Variants in EEF1AKMT2 observed in about 807,000 individuals in gnomAD.
EEF1AKMT2 encodes the protein EEF1A lysine methyltransferase 2.
Under a neutral mutation model 35.8 loss-of-function variants are expected in EEF1AKMT2, and 32 were observed. The observed-to-expected ratio is 0.89, with a 90% CI of 0.67 to 1.20. EEF1AKMT2 has a LOEUF of 1.20. Among genes scored for constraint, EEF1AKMT2 ranks in the 50% most tolerant of loss-of-function variants. The pLI is 0.00. For synonymous variants in EEF1AKMT2, 121 were observed against 133.7 expected (o/e 0.91, Z 0.65); for missense variants, 330 against 347.5 (o/e 0.95, Z 0.40).
chr10:124,789,844 C>T (rs965466976), intron 2 of EEF1AKMT2, among the ~76,000 whole-genome samples: 4 of 151,032 alleles, frequency 2.6e-5, no homozygotes, highest in Admixed American at 2.6e-4. Flanking sequence ...AGACTTAATC[C>T]AGGGTTCCCA....
At chr10:124,764,827 CTTTT>C (rs534265287) in intron 5 of EEF1AKMT2, among the ~76,000 whole-genome samples, 2 of 152,208 alleles carry the variant, frequency 1.3e-5, no homozygotes, top group Non-Finnish European at 2.9e-5. Flanking sequence ...AATATATGTG[CTTTT>C]TGTTTGATTC....
chr10:124,782,925 T>G (rs568722286), intron 3 of EEF1AKMT2: 1 of 416,302 alleles, frequency 2.4e-6, no homozygotes, highest in Admixed American at 3.0e-5. Flanking sequence ...AGTTAAAGGT[T>G]AGAGATTGTT....
intron 3 of EEF1AKMT2, among the ~76,000 whole-genome samples, 190 bp downstream of exon 3, chr10:124,788,853 T>A (rs1280040330): frequency 2.7e-5 from 4 of 150,588 alleles, no homozygotes; most frequent in African/African-American, 7.3e-5. Flanking sequence ...GCCAAAAGAG[T>A]CAAGACTAGG....
chr10:124,791,631 T>A, intron 1 of EEF1AKMT2, 93 bp downstream of exon 1: 1 of 1,513,906 alleles, frequency 6.6e-7, no homozygotes, highest in South Asian at 1.2e-5. Context: ...GGTCTCCCTG[T>A]CCCTGAGCCC....
At chr10:124,776,969 A>T (rs902930983) in intron 3 of EEF1AKMT2, among the ~76,000 whole-genome samples, 1 of 152,172 alleles carries the variant, frequency 6.6e-6, no homozygotes, top group African/African-American at 2.4e-5. Context: ...AAAATTAAAA[A>T]CAGGAAAGAA....
intron 1 of EEF1AKMT2, among the ~76,000 whole-genome samples, 180 bp downstream of exon 1, chr10:124,791,544 C>T (rs1311574302): frequency 2.0e-5 from 3 of 152,174 alleles, no homozygotes; most frequent in African/African-American, 7.2e-5. Flanking sequence ...CCGCGTAGGG[C>T]GACCCCTAGG....
intron 4 of EEF1AKMT2, 100 bp downstream of exon 4, chr10:124,774,575 G>T: frequency 5.2e-6 from 3 of 577,386 alleles, no homozygotes; most frequent in Middle Eastern, 6.0e-4. Context: ...TATTATTTAT[G>T]ATTGATCCCT....
Position 124,760,509 on chromosome 10 carries a change from A to G in EEF1AKMT2, c.*-6T>C, listed in dbSNP as rs528132958. On this transcript the variant is annotated splice_region_variant and splice_polypyrimidine_tract_variant and intron_variant, in intron 6 of 6. Coordinates refer to ENST00000368836, the MANE Select transcript of EEF1AKMT2 (RefSeq NM_212554.4). ...CTCTTCGAGAAGTTCAAATCCTGTC[A>G]GACAAAATTTAAATACTTTTATTAA... The G allele has an allele frequency of 6.2e-6, 10 of 1,611,540 alleles. No individual in the cohort carries two copies. The South Asian group carries it at 9.9e-5, about 16-fold the overall frequency.
At chr10:124,772,097 G>C (rs76709434) in intron 4 of EEF1AKMT2, among the ~76,000 whole-genome samples, 2 of 152,028 alleles carry the variant, frequency 1.3e-5, no homozygotes, top group Admixed American at 6.6e-5. Context: ...TAATTCTTAC[G>C]GGCCCTCAGA....
chr10:124,787,433 CAAAAAAAAA>C (rs398015024), intron 3 of EEF1AKMT2, among the ~76,000 whole-genome samples: 4 of 37,434 alleles, frequency 1.1e-4, no homozygotes, highest in East Asian at 1.0e-3. Context: ...GACTCTGTCT[CAAAAAAAAA>C]AAAAAAAAAA....
chr10:124,757,496 A>G (rs1229189626), downstream of EEF1AKMT2, among the ~76,000 whole-genome samples: 2 of 152,204 alleles, frequency 1.3e-5, no homozygotes, highest in Non-Finnish European at 2.9e-5. Flanking sequence ...TTTGTATACC[A>G]ATTTGAAGAA....
At chr10:124,773,845 T>C (rs1196379577) in intron 4 of EEF1AKMT2, among the ~76,000 whole-genome samples, 1 of 151,708 alleles carries the variant, frequency 6.6e-6, no homozygotes, top group Non-Finnish European at 1.5e-5. Flanking sequence ...GTTGAAAAAA[T>C]GGTGTCAACA....
intron 2 of EEF1AKMT2, 25 bp downstream of exon 2, chr10:124,790,248 T>A: frequency 6.5e-7 from 1 of 1,546,212 alleles, no homozygotes; most frequent in African/African-American, 1.4e-5. Flanking sequence ...TTCTAGATTA[T>A]AACTTGATTC....
At chr10:124,779,563 A>G (rs1394907140) in intron 3 of EEF1AKMT2, among the ~76,000 whole-genome samples, 5 of 150,746 alleles carry the variant, frequency 3.3e-5, no homozygotes, top group Admixed American at 2.6e-4. Context: ...TGGCTAACAC[A>G]GTGAAACCCC....
rs746092211 is a variant in EEF1AKMT2 at position 124,791,843 on chromosome 10, C to A, written c.-10G>T. ...CAGCGCCCGAGCTCATTTCGCTCCA[C>A]GTCCTGGACGGCCGTTGGGGCCGCC... On this transcript the variant is annotated 5_prime_UTR_variant, in exon 1 of 7. Transcript: ENST00000368836. 1 of 1,560,654 alleles carries A rather than the reference C, an allele frequency of 6.4e-7. No homozygotes were observed. The highest frequency in any genetic ancestry group is 1.2e-5 in the South Asian group (1 of 85,968).
Position 124,760,257 on chromosome 10 carries a change from T to C in EEF1AKMT2, c.*246A>G, listed in dbSNP as rs1950319253. The stretch of plus-strand genomic sequence containing the variant: ...AACCCAACCACTTAGATGCTCATTA[T>C]TATTATTTTCTTTCACCAATCCAGT... On this transcript the variant is annotated 3_prime_UTR_variant, in exon 7 of 7. Coordinates refer to ENST00000368836, the MANE Select transcript of EEF1AKMT2 (RefSeq NM_212554.4). The C allele has an allele frequency of 1.3e-5, 6 of 450,430 alleles. No homozygotes were observed. The highest frequency in any genetic ancestry group is 2.0e-5 in the Non-Finnish European group (5 of 251,924). 27.9% of individuals were successfully genotyped at this position (450,430 alleles called of 1,614,324 possible).
In EEF1AKMT2 at chr10:124,791,719, C is replaced by G. The variant is rs985416622; in HGVS notation, c.110+5G>C. 1.9e-6 allele frequency: 3 copies of G among 1,579,396 alleles called. No individual in the cohort carries two copies. Among genetic ancestry groups the G allele is most frequent in the East Asian group, 2.3e-5 (1 of 43,278 alleles). Reference sequence around the variant, plus strand: ...TCATCCTCCCCTGCCCAGCGTCACACTCACTGCTCGCGGGTCCCCAGCGCC... The same window carrying G: ...TCATCCTCCCCTGCCCAGCGTCACAGTCACTGCTCGCGGGTCCCCAGCGCC... On this transcript the variant is annotated splice_donor_5th_base_variant and intron_variant, in intron 1 of 6. Transcript: ENST00000368836.
intron 3 of EEF1AKMT2, among the ~76,000 whole-genome samples, chr10:124,787,911 A>G (rs987506363): frequency 6.6e-6 from 1 of 152,156 alleles, no homozygotes; most frequent in African/African-American, 2.4e-5. Flanking sequence ...CACACACTAT[A>G]TCTCAATGTT....
In EEF1AKMT2 at chr10:124,772,420, C is replaced by CTTTTT. The variant is rs59707540; in HGVS notation, c.399+2250_399+2254dup. Reference sequence around the variant, plus strand: ...CATGGAGATGGCTTCTTTTCTTTTTCTTTTTTTTTTTTTTTTTTTTTTTTT... The same window carrying CTTTTT: ...CATGGAGATGGCTTCTTTTCTTTTTCTTTTTTTTTTTTTTTTTTTTTTTTTTTTTT... On this transcript the variant is annotated intron_variant, in intron 4 of 6. Coordinates refer to ENST00000368836, the MANE Select transcript of EEF1AKMT2 (RefSeq NM_212554.4). 6.1e-3 allele frequency among the ~76,000 whole-genome samples: 459 copies of CTTTTT among 75,346 alleles called. 1 individual carries two copies. The highest frequency in any genetic ancestry group is 7.3e-3 in the Non-Finnish European group (315 of 42,888). 49.4% of individuals were successfully genotyped at this position (75,346 alleles called of 152,430 possible).
Sources: gnomAD v4.1 joint callset for allele counts (sites outside exome capture counted in the v4.1 genomes callset) on GRCh38, gnomAD v4.1.1 for gene constraint, MANE v1.5 for transcripts, NCBI Gene and HGNC (gene_info 2026-07-23, HGNC 2026-07-21) for gene names.